ZFHX3: variants seen among roughly 807,000 people sequenced by gnomAD.
ZFHX3 encodes zinc finger homeobox protein 3.
In ZFHX3, 42 loss-of-function variants were observed where a neutral mutation model predicts 279.1. That is an observed-to-expected ratio of 0.15 (90% confidence interval 0.12 to 0.19). The LOEUF is 0.19. Ranked by LOEUF, ZFHX3 falls within the 10% of genes least tolerant of loss-of-function variation. The pLI is 1.00. For missense variants in ZFHX3, 4,981 were observed against 4,754.0 expected, an observed-to-expected ratio of 1.05 and a Z score of -1.40; for synonymous variants, 2,293 against 1,957.8, an observed-to-expected ratio of 1.17 and a Z score of -4.52.
chr16:72,985,212 G>T (rs1197050268), intron 1 of ZFHX3, among the ~76,000 whole-genome samples: 1 of 151,480 alleles, frequency 6.6e-6, no homozygotes, highest in African/African-American at 2.5e-5. Flanking sequence ...AAAGGGGAAC[G>T]TAAACATGAA....
At chr16:73,710,756 C>A (rs1027146509) in intron 1 of ZFHX3, among the ~76,000 whole-genome samples, 14 of 152,074 alleles carry the variant, frequency 9.2e-5, no homozygotes, top group African/African-American at 3.4e-4. Flanking sequence ...GAATAATTGA[C>A]AGCTTCCCCC....
chr16:72,807,143 C>T (rs1297930240), intron 7 of ZFHX3: 1 of 152,210 alleles, frequency 6.6e-6, no homozygotes, highest in East Asian at 1.9e-4. Flanking sequence ...CGAGCAGCAG[C>T]TCCTACATCT....
Position 73,704,775 on chromosome 16 carries a change from G to A in ZFHX3, c.-1607-24535C>T, listed in dbSNP as rs373880688. ...CCAAGAATGATTTGTGATCAAGCCA[G>A]TTACCACTAGAGGAAACTGAACTTC... On this transcript the variant is annotated intron_variant, in intron 1 of 17. Coordinates refer to the ZFHX3 transcript ENST00000641206. 2.6e-5 allele frequency among the ~76,000 whole-genome samples: 4 copies of A among 152,344 alleles called. No individual in the cohort carries two copies. In the East Asian group the frequency reaches 7.7e-4, roughly 29 times the overall value.
chr16:73,060,530 C>G (rs1027945254), upstream of ZFHX3: 2 of 136,292 alleles, frequency 1.5e-5, no homozygotes, highest in African/African-American at 5.3e-5. Flanking sequence ...CCCCCCTCTT[C>G]TCTGTCTCTT....
intron 1 of ZFHX3, among the ~76,000 whole-genome samples, chr16:72,966,614 GATACC>G (rs1961854900): frequency 6.6e-6 from 1 of 152,204 alleles, no homozygotes; most frequent in Non-Finnish European, 1.5e-5. Flanking sequence ...TCCTAAGAGA[GATACC>G]AACAAAGAAG....
At chr16:73,616,444 C>A (rs956022954) in intron 2 of ZFHX3, among the ~76,000 whole-genome samples, 1 of 143,170 alleles carries the variant, frequency 7.0e-6, no homozygotes, top group South Asian at 2.3e-4. Context: ...AAAAAAAACA[C>A]CAATGCTGCT....
At chr16:73,281,824 C>T (rs1471771611) in intron 4 of ZFHX3, among the ~76,000 whole-genome samples, 1 of 152,020 alleles carries the variant, frequency 6.6e-6, no homozygotes, top group Admixed American at 6.6e-5. Flanking sequence ...AACGAACAAA[C>T]AAAAGGCTTG....
chr16:73,660,941 A>G (rs2052776586), intron 2 of ZFHX3, among the ~76,000 whole-genome samples: 1 of 152,204 alleles, frequency 6.6e-6, no homozygotes, highest in Non-Finnish European at 1.5e-5. Context: ...ATGCTGATCT[A>G]CACGTATCTA....
At chr16:73,682,890 GAA>G (rs1481206237) in intron 1 of ZFHX3, among the ~76,000 whole-genome samples, 13,481 of 45,946 alleles carry the variant, frequency 0.29, 1,398 homozygotes, top group East Asian at 0.51. Flanking sequence ...AAGAAAGAAA[GAA>G]AGAAAGAAAG....
chr16:73,535,447 G>A (rs1213466679), intron 2 of ZFHX3, among the ~76,000 whole-genome samples: 3 of 152,186 alleles, frequency 2.0e-5, no homozygotes, highest in Non-Finnish European at 2.9e-5. Flanking sequence ...CCCAAATGGG[G>A]TCAATCAGGG....
intron 3 of ZFHX3, chr16:73,400,658 G>GT (rs1190363479): frequency 6.6e-6 from 1 of 152,156 alleles, no homozygotes; most frequent in African/African-American, 2.4e-5. Context: ...TAAGAAACCC[G>GT]TAAGGAGCTG....
chr16:73,229,693 G>A (rs745669938), intron 5 of ZFHX3, among the ~76,000 whole-genome samples: 22 of 152,154 alleles, frequency 1.4e-4, no homozygotes, highest in East Asian at 3.9e-4. Flanking sequence ...GGAAAATATC[G>A]CAGAAATAAA....
At chr16:73,273,815 T>C (rs556599228) in intron 4 of ZFHX3, among the ~76,000 whole-genome samples, 1 of 152,344 alleles carries the variant, frequency 6.6e-6, no homozygotes, top group East Asian at 1.9e-4. Context: ...TGCAAATTTC[T>C]ACAGGTGGAA....
chr16:72,806,688 T>A (rs1399163695), intron 7 of ZFHX3, among the ~76,000 whole-genome samples: 1 of 150,200 alleles, frequency 6.7e-6, no homozygotes, highest in Non-Finnish European at 1.5e-5. Flanking sequence ...GCATAGAGAG[T>A]CACAGACGCT....
chr16:73,080,451 C>T (rs1444657664), intron 8 of ZFHX3, among the ~76,000 whole-genome samples: 2 of 152,232 alleles, frequency 1.3e-5, no homozygotes, highest in African/African-American at 4.8e-5. Flanking sequence ...TTTGTGATAG[C>T]AGTCTGAGCT....
At chr16:73,310,356 T>G (rs1012594529) in intron 4 of ZFHX3, among the ~76,000 whole-genome samples, 2 of 152,190 alleles carry the variant, frequency 1.3e-5, no homozygotes, top group East Asian at 3.8e-4. Context: ...AAGTGACCAA[T>G]TTTTAGCTGG....
At chr16:73,485,324 C>T (rs1397535131) in intron 2 of ZFHX3, among the ~76,000 whole-genome samples, 1 of 151,378 alleles carries the variant, frequency 6.6e-6, no homozygotes, top group Non-Finnish European at 1.5e-5. Context: ...CAAGGGAATA[C>T]TGGCCCCCAT....
rs1322538753 is a variant in ZFHX3, at chr16:72,957,708, G to C, written c.2438C>G (p.Thr813Ser). 1 of 1,614,166 alleles carries C rather than the reference G, an allele frequency of 6.2e-7. No homozygotes were observed. Among genetic ancestry groups the C allele is most frequent in the Non-Finnish European group, 8.5e-7 (1 of 1,180,028 alleles). ...TWRCEVCDYE[T>S]NVARNLRIHM... is the part of the protein sequence containing the mutation. ...AATGCGGAGGTTCCTGGCCACGTTG[G>C]TCTCATAATCACACACCTCGCACCG... The change falls in exon 2 of 10, where the codon ACC (threonine) becomes AGC (serine). Residue 813 changes from threonine to serine, a missense_variant. Thr to Ser is a moderately conservative substitution (Grantham distance 58). Around this residue, in one of 7 missense-constraint regions of ZFHX3, gnomAD observed 1,751 missense variants for 1,770.0 expected, o/e 0.99. Transcript: ENST00000268489.
intron 1 of ZFHX3, among the ~76,000 whole-genome samples, chr16:73,725,570 G>C (rs1287091979): frequency 7.1e-6 from 1 of 140,126 alleles, no homozygotes; most frequent in Non-Finnish European, 1.6e-5. Context: ...TGTGTGTGTA[G>C]GCTGAGGGAG....
Sources: gnomAD v4.1 joint callset for allele counts (sites outside exome capture counted in the v4.1 genomes callset) on GRCh38, gnomAD v4.1.1 for gene constraint, gnomAD v4.1.1 regional missense constraint, MANE v1.5 for transcripts, NCBI Gene and HGNC (gene_info 2026-07-23, HGNC 2026-07-21) for gene names.